VPS13D: variants seen among roughly 807,000 people sequenced by gnomAD.
VPS13D encodes intermembrane lipid transfer protein VPS13D.
Under a neutral mutation model 461.9 loss-of-function variants are expected in VPS13D, and 187 were observed. The observed-to-expected ratio is 0.40, with a 90% CI of 0.36 to 0.46. The LOEUF is 0.46. Among genes scored for constraint, VPS13D ranks in the 20% least tolerant of loss-of-function variants. The pLI is 0.60. For synonymous variants in VPS13D, 1,951 were observed against 1,986.3 expected (o/e 0.98, Z 0.47); for missense variants, 4,711 against 5,364.9 (o/e 0.88, Z 3.81).
intron 53 of VPS13D, among the ~76,000 whole-genome samples, chr1:12,368,814 C>T (rs1358613440): frequency 6.6e-6 from 1 of 152,208 alleles, no homozygotes; most frequent in African/African-American, 2.4e-5. Context: ...CAGAAGTAAT[C>T]TTTTAGCTCC....
At chr1:12,349,571 A>T (rs999197164) in intron 46 of VPS13D, among the ~76,000 whole-genome samples, 197 bp downstream of exon 46, 4 of 152,160 alleles carry the variant, frequency 2.6e-5, no homozygotes, top group African/African-American at 7.2e-5. Context: ...GGGAGGCTTT[A>T]TTACATGGGA....
intron 60 of VPS13D, among the ~76,000 whole-genome samples, chr1:12,396,727 A>C (rs1227636769): frequency 6.6e-6 from 1 of 152,144 alleles, no homozygotes; most frequent in Non-Finnish European, 1.5e-5. Context: ...TTTCAGAAGA[A>C]ATTTTTCTTT....
At chr1:12,319,372 T>C (rs1255018082) in intron 31 of VPS13D, 125 bp from the exon 32 acceptor site, 14 of 1,358,848 alleles carry the variant, frequency 1.0e-5, no homozygotes, top group Non-Finnish European at 1.4e-5. Flanking sequence ...AGCAGACATT[T>C]TGGAGAAAAA....
intron 9 of VPS13D, 97 bp from the exon 10 acceptor site, chr1:12,257,838 T>A: frequency 7.1e-7 from 1 of 1,402,622 alleles, no homozygotes; most frequent in Non-Finnish European, 9.9e-7. Flanking sequence ...AAAAGATGTC[T>A]CAGGAGAGGA....
intron 68 of VPS13D, among the ~76,000 whole-genome samples, chr1:12,501,969 A>T (rs888371877): frequency 1.3e-5 from 2 of 152,088 alleles, no homozygotes; most frequent in Non-Finnish European, 2.9e-5. Flanking sequence ...GGTCTGGGGA[A>T]TTTGGGGTCA....
At chr1:12,421,269 T>C (rs893083435) in intron 65 of VPS13D, among the ~76,000 whole-genome samples, 5 of 152,212 alleles carry the variant, frequency 3.3e-5, no homozygotes, top group Non-Finnish European at 5.9e-5. Flanking sequence ...TAGCGGAACT[T>C]CAAAGATCTG....
chr1:12,365,172 T>C (rs1251515789), intron 52 of VPS13D, among the ~76,000 whole-genome samples: 3 of 152,172 alleles, frequency 2.0e-5, no homozygotes, highest in African/African-American at 2.4e-5. Flanking sequence ...TTGTATTAAA[T>C]TTTGGAATAA....
At chr1:12,306,468 G>A (rs969820505) in intron 26 of VPS13D, among the ~76,000 whole-genome samples, 6 of 152,238 alleles carry the variant, frequency 3.9e-5, no homozygotes, top group Admixed American at 1.3e-4. Flanking sequence ...ATGTTATGAC[G>A]TCTGTGATGA....
At chr1:12,259,422 C>T (rs1202015437) in intron 10 of VPS13D, among the ~76,000 whole-genome samples, 1 of 151,026 alleles carries the variant, frequency 6.6e-6, no homozygotes, top group Non-Finnish European at 1.5e-5. Context: ...TTCAAGGGAT[C>T]CTCCCACCTC....
chr1:12,378,280 G>A, intron 55 of VPS13D, 148 bp from the exon 56 acceptor site: 1 of 619,394 alleles, frequency 1.6e-6, no homozygotes, highest in Non-Finnish European at 2.4e-6. Flanking sequence ...ATGAAAGTTT[G>A]AATTAAGCAT....
Position 12,277,880 on chromosome 1 carries a change from T to C in VPS13D, c.4292T>C (p.Leu1431Pro). The C allele has an allele frequency of 6.2e-7, 1 of 1,614,200 alleles. No homozygotes were observed. Among genetic ancestry groups the C allele is most frequent in the Non-Finnish European group, 8.5e-7 (1 of 1,180,034 alleles). ...CAGGTGGAAATCAAGGACATTAAAC[T>C]GTATTCTTTGAATTGCACCCAGTTG... ...RLQVEIKDIK[L>P]YSLNCTQLAG... Residue 1431 changes from leucine (L) to proline (P), a missense_variant, in exon 19 of 70, where the codon CTG (leucine) becomes CCG (proline). Physicochemically the swap from Leu to Pro is moderately conservative, Grantham distance 98. This residue lies in a region of VPS13D where 4,411 missense variants were observed against 4,937.8 expected (regional missense o/e 0.89). Transcript: ENST00000620676.
chr1:12,476,716 C>A (rs1215313730), intron 67 of VPS13D, among the ~76,000 whole-genome samples: 1 of 152,124 alleles, frequency 6.6e-6, no homozygotes, highest in African/African-American at 2.4e-5. Context: ...TTAAACAAAC[C>A]AGAACAAATA....
chr1:12,312,596 C>CA (rs1557702668), intron 29 of VPS13D, among the ~76,000 whole-genome samples: 1 of 151,998 alleles, frequency 6.6e-6, no homozygotes, highest in African/African-American at 2.4e-5. Flanking sequence ...CCTGTCTCTA[C>CA]AAAAAATTAA....
In VPS13D at chr1:12,304,577, G is replaced by T; in HGVS notation, c.6288G>T (p.Glu2096Asp). 1 of 1,614,116 alleles carries T rather than the reference G, an allele frequency of 6.2e-7. No individual in the cohort carries two copies. Among genetic ancestry groups the T allele is most frequent in the Non-Finnish European group, 8.5e-7 (1 of 1,180,022 alleles). ...TGAGGAAAACGACAAGCACGGAGGA[G>T]CCCAGGGGAACCCATTCCCAGGGGC... ...HSLRKTTSTE[E>D]PRGTHSQGQF... The change falls in exon 26 of 70, where the codon GAG becomes GAT. Residue 2096 changes from glutamate to aspartate, a missense_variant. Glu to Asp is a conservative substitution (Grantham distance 45). Coordinates refer to ENST00000620676, the MANE Select transcript of VPS13D (RefSeq NM_015378.4).
chr1:12,357,903 C>G (rs1643900424), intron 49 of VPS13D, among the ~76,000 whole-genome samples: 2 of 151,146 alleles, frequency 1.3e-5, no homozygotes, highest in Admixed American at 1.3e-4. Context: ...ACTTGGGAGG[C>G]TGAGGCAGGA....
intron 2 of VPS13D, among the ~76,000 whole-genome samples, chr1:12,242,176 C>T (rs991431029): frequency 3.0e-4 from 46 of 152,334 alleles, no homozygotes; most frequent in African/African-American, 1.1e-3. Flanking sequence ...TCTTCATCAG[C>T]GCCTAAGCTT....
chr1:12,358,944 C>G (rs1643912164), intron 50 of VPS13D, among the ~76,000 whole-genome samples: 1 of 152,132 alleles, frequency 6.6e-6, no homozygotes. Flanking sequence ...TATTCCCACG[C>G]ATTCATTAAA....
rs1003364999 is a variant in VPS13D, at chr1:12,319,568, G to T, written c.7486G>T (p.Val2496Leu). The T allele has an allele frequency of 3.1e-6, 5 of 1,614,202 alleles. No individual in the cohort carries two copies. The highest frequency in any genetic ancestry group is 4.2e-6 in the Non-Finnish European group (5 of 1,180,032). The change falls in exon 32 of 70, where the codon GTG (valine) becomes TTG (leucine). Residue 2496 changes from valine (V) to leucine (L), a missense_variant. This residue lies in a region of VPS13D where 4,411 missense variants were observed against 4,937.8 expected (regional missense o/e 0.89). Transcript: ENST00000620676. ...TNAIILKGTT[V>L]LTYKPRFVDR... ...TGCCATTATTCTGAAAGGCACCACA[G>T]TGCTCACCTATAAGCCCCGGTTTGT...
At chr1:12,286,191 C>T (rs749880291) in intron 21 of VPS13D, among the ~76,000 whole-genome samples, 1 of 152,162 alleles carries the variant, frequency 6.6e-6, no homozygotes, top group Non-Finnish European at 1.5e-5. Context: ...TATTCTCCTG[C>T]CTCAGTCCCT....
Sources: gnomAD v4.1 joint callset for allele counts (sites outside exome capture counted in the v4.1 genomes callset) on GRCh38, gnomAD v4.1.1 for gene constraint, gnomAD v4.1.1 regional missense constraint, MANE v1.5 for transcripts, NCBI Gene and HGNC (gene_info 2026-07-23, HGNC 2026-07-21) for gene names.